The following CHN1 variants were observed in gnomAD, a reference collection of about 807,000 sequenced individuals.
CHN1 encodes chimerin 1.
Under a neutral mutation model 59.5 loss-of-function variants are expected in CHN1, and 37 were observed. The observed-to-expected ratio is 0.62, with a 90% CI of 0.48 to 0.82. CHN1 has a LOEUF of 0.82. Among genes scored for constraint, CHN1 ranks in the 40% least tolerant of loss-of-function variants. CHN1 has a pLI of 0.00. For missense variants in CHN1, 469 were observed against 571.0 expected (o/e 0.82, Z 1.82); for synonymous variants, 206 against 200.4 (o/e 1.03, Z -0.24).
chr2:174,924,709 T>C lies in CHN1; in HGVS notation c.115-6144A>G, dbSNP rs187118175. On this transcript the variant is annotated intron_variant, in intron 3 of 12. Coordinates refer to ENST00000409900, the MANE Select transcript of CHN1 (RefSeq NM_001822.7). The stretch of plus-strand genomic sequence containing the variant: ...ACTTGGATAATTAAGGAATTTGTAA[T>C]ATAAAAATGATTATTAATAACCCCA... Among the ~76,000 whole-genome samples the C allele has an allele frequency of 5.9e-5, 9 of 152,320 alleles. No homozygotes were observed. The East Asian group carries it at 1.3e-3, about 23-fold the overall frequency.
chr2:174,855,472 C>A (rs1686872744), intron 6 of CHN1, among the ~76,000 whole-genome samples: 1 of 152,118 alleles, frequency 6.6e-6, no homozygotes, highest in African/African-American at 2.4e-5. Context: ...CCTCCAAAAT[C>A]AAGTTATAAC....
intron 2 of CHN1, among the ~76,000 whole-genome samples, chr2:174,949,291 A>T (rs576942096): frequency 4.1e-4 from 63 of 152,314 alleles, no homozygotes; most frequent in African/African-American, 1.4e-3. Flanking sequence ...AACCATCTAT[A>T]TGATCATAAA....
intron 7 of CHN1, among the ~76,000 whole-genome samples, chr2:174,833,003 G>C (rs1292371088): frequency 6.6e-6 from 1 of 152,110 alleles, no homozygotes; most frequent in Admixed American, 6.6e-5. Context: ...GTTGTTGACT[G>C]AAACAGTTAT....
At position 174,915,126 on chromosome 2, in the gene CHN1, A is replaced by T; in HGVS notation, c.192T>A (p.Ile64=). 6.2e-7 allele frequency: 1 copy of T among 1,612,500 alleles called. No homozygotes were observed. Among genetic ancestry groups the T allele is most frequent in the Non-Finnish European group, 8.5e-7 (1 of 1,179,356 alleles). Residue 64 remains isoleucine (I), a synonymous_variant, in exon 5 of 13, where the codon ATT becomes ATA. Coordinates refer to ENST00000409900, the MANE Select transcript of CHN1 (RefSeq NM_001822.7). Reference sequence around the variant, plus strand: ...GGATGAGGTAGCTCCCCTCAGCCACAATCAAGAGCTGGTCGGCTGCTTCTC... The same window carrying T: ...GGATGAGGTAGCTCCCCTCAGCCACTATCAAGAGCTGGTCGGCTGCTTCTC... ...ISREAADQLL[I]VAEGSYLIRE...
At chr2:174,944,307 A>G (rs917797919) in intron 3 of CHN1, among the ~76,000 whole-genome samples, 3 of 152,198 alleles carry the variant, frequency 2.0e-5, no homozygotes, top group Non-Finnish European at 4.4e-5. Context: ...TCACATTCCA[A>G]TCTGCAATGT....
At position 174,847,261 on chromosome 2, in the gene CHN1, C is replaced by A; in HGVS notation, c.550-304G>T. ...TACAGAGAGCTGCAGAGAAACACCACGGAGAGGTGGAGGAGGAGGATGAAG... is the reference window on the plus strand; with the variant it reads ...TACAGAGAGCTGCAGAGAAACACCAAGGAGAGGTGGAGGAGGAGGATGAAG... On this transcript the variant is annotated intron_variant, in intron 6 of 12. Transcript: ENST00000409900. 4 of 1,387,656 alleles carry A rather than the reference C, an allele frequency of 2.9e-6. No individual in the cohort carries two copies. The South Asian group carries it at 6.0e-5, about 21-fold the overall frequency. The allele number at this position is 1,387,656 out of a possible 1,614,324, so 86.0% of individuals were successfully genotyped here. A position where few individuals can be genotyped will look rare whatever the true frequency, so the allele number is the denominator to read the frequency against.
chr2:174,894,133 AACTT>A (rs1386426225), intron 5 of CHN1, among the ~76,000 whole-genome samples: 1 of 133,546 alleles, frequency 7.5e-6, no homozygotes, highest in Non-Finnish European at 1.7e-5. Context: ...CAGCACAAAA[AACTT>A]CTGCACAATG....
chr2:174,827,608 A>G (rs1423652595), intron 7 of CHN1, among the ~76,000 whole-genome samples: 5 of 152,100 alleles, frequency 3.3e-5, no homozygotes, highest in African/African-American at 1.2e-4. Flanking sequence ...TGTTAAGGGG[A>G]GTGACACGGT....
Position 174,877,892 on chromosome 2 carries a change from T to G in CHN1, c.497A>C (p.Glu166Ala), listed in dbSNP as rs1368043750. The part of the protein sequence containing the change: ...AYKKHMPVLK[E>A]THDERDSTGQ... ...TGTAGAATCTCTCTCATCATGTGTCTCTTTCAGGACTGGCATATGTTTTTT... is the reference window on the plus strand; with the variant it reads ...TGTAGAATCTCTCTCATCATGTGTCGCTTTCAGGACTGGCATATGTTTTTT... Residue 166 changes from glutamate to alanine, a missense_variant, in exon 6 of 13, where the codon GAG (glutamate) becomes GCG (alanine). Physicochemically the swap from Glu to Ala is moderately radical, Grantham distance 107 (BLOSUM62 -1). This residue lies in a region of CHN1 where 81 missense variants were observed against 71.7 expected (regional missense o/e 1.13). Transcript: ENST00000409900. 2 of 1,613,756 alleles carry G rather than the reference T, an allele frequency of 1.2e-6. No individual in the cohort carries two copies. The highest frequency in any genetic ancestry group is 1.7e-6 in the Non-Finnish European group (2 of 1,179,812).
At chr2:174,920,471 G>T (rs188885434) in intron 3 of CHN1, among the ~76,000 whole-genome samples, 143 of 152,138 alleles carry the variant, frequency 9.4e-4, no homozygotes, top group Non-Finnish European at 1.7e-3. Context: ...ACTCAAAAAT[G>T]GCAAAAAGGG....
chr2:174,929,417 A>G (rs1366192746), intron 3 of CHN1, among the ~76,000 whole-genome samples: 1 of 151,994 alleles, frequency 6.6e-6, no homozygotes, highest in Non-Finnish European at 1.5e-5. Flanking sequence ...GCCTCTACTA[A>G]AAATACAAAA....
At chr2:174,850,556 C>T (rs2105441046) in intron 6 of CHN1, among the ~76,000 whole-genome samples, 1 of 152,056 alleles carries the variant, frequency 6.6e-6, no homozygotes, top group Non-Finnish European at 1.5e-5. Context: ...AGGGAGTAAC[C>T]AATAAATGAC....
At chr2:174,914,983 G>A (rs921725027) in intron 5 of CHN1, 75 bp downstream of exon 5, 1 of 765,946 alleles carries the variant, frequency 1.3e-6, no homozygotes, top group East Asian at 2.8e-5. Flanking sequence ...CATGCTGAAT[G>A]CTTTTAAAAT....
chr2:174,960,735 T>C lies in CHN1; in HGVS notation c.20-8533A>G, dbSNP rs566641635. Among the ~76,000 whole-genome samples the C allele has an allele frequency of 2.0e-3, 302 of 151,988 alleles. 1 individual carries two copies. The highest frequency in any genetic ancestry group is 6.9e-3 in the African/African-American group (285 of 41,444). On this transcript the variant is annotated intron_variant, in intron 1 of 12. Coordinates refer to ENST00000409900, the MANE Select transcript of CHN1 (RefSeq NM_001822.7). ...TACTCGGGAGGCTGAGGTAGGAGAA[T>C]CGTTTGAACCCAGGAGGCAGAGGTT...
chr2:174,838,063 C>A (rs758611928), intron 7 of CHN1, among the ~76,000 whole-genome samples: 1 of 152,068 alleles, frequency 6.6e-6, no homozygotes, highest in Non-Finnish European at 1.5e-5. Context: ...ATGCTTTAAC[C>A]GTCCTACTAA....
At chr2:174,973,572 A>G (rs550520635) in intron 1 of CHN1, among the ~76,000 whole-genome samples, 1 of 152,366 alleles carries the variant, frequency 6.6e-6, no homozygotes, top group East Asian at 1.9e-4. Flanking sequence ...AAGATGAAGG[A>G]TGCCTGGGCA....
chr2:174,931,103 C>G (rs1028712045), intron 3 of CHN1, among the ~76,000 whole-genome samples: 6 of 148,268 alleles, frequency 4.0e-5, no homozygotes. Context: ...AAAGATAGCA[C>G]TAAAAGACCA....
chr2:174,933,299 G>C (rs2951291), intron 3 of CHN1, among the ~76,000 whole-genome samples: 1 of 151,938 alleles, frequency 6.6e-6, no homozygotes, highest in Non-Finnish European at 1.5e-5. Context: ...GTAGAGAAGA[G>C]AAGAGGAGAG....
chr2:174,891,143 A>C (rs1452214473), intron 5 of CHN1, among the ~76,000 whole-genome samples: 1 of 127,384 alleles, frequency 7.9e-6, no homozygotes, highest in African/African-American at 3.4e-5. Flanking sequence ...TCCATCTCAA[A>C]AAAAAAAAAA....
Sources: gnomAD v4.1 joint callset for allele counts (sites outside exome capture counted in the v4.1 genomes callset) on GRCh38, gnomAD v4.1.1 for gene constraint, gnomAD v4.1.1 regional missense constraint, MANE v1.5 for transcripts, NCBI Gene and HGNC (gene_info 2026-07-23, HGNC 2026-07-21) for gene names.